IL13RA1: variants seen among roughly 807,000 people sequenced by gnomAD.
IL13RA1 encodes the protein interleukin 13 receptor subunit alpha 1, also known as interleukin-13 receptor subunit alpha-1.
A neutral mutation model predicts 33.8 loss-of-function variants in IL13RA1; 14 were observed. The ratio of observed to expected loss-of-function variants is 0.41; its 90% CI spans 0.27 to 0.65. The LOEUF (loss-of-function observed/expected upper bound fraction) is 0.65, where lower values mean the gene tolerates loss of function less well. Among genes scored for constraint, IL13RA1 ranks in the 30% least tolerant of loss-of-function variants. The probability of loss-of-function intolerance (pLI) is 0.28; values close to 1 mark genes in which losing one functional copy is unlikely to be tolerated. For missense variants in IL13RA1, 313 were observed against 327.0 expected, an observed-to-expected ratio of 0.96 and a Z score of 0.33; for synonymous variants, 116 against 115.7, an observed-to-expected ratio of 1.00 and a Z score of -0.02.
In IL13RA1 at chrX:118,763,007, A is replaced by C. The variant is rs369012852; in HGVS notation, c.828+1718A>C. ...ACATGGACACATGGAGGTGAACAAC[A>C]CATACTGGGGCCTGTGGGGGCTGTG... On this transcript the variant is annotated intron_variant, in intron 6 of 10. Coordinates refer to ENST00000371666, the MANE Select transcript of IL13RA1 (RefSeq NM_001560.3). Among the ~76,000 whole-genome samples, 27 of 111,579 alleles carry C rather than the reference A, an allele frequency of 2.4e-4. No homozygotes were observed. The East Asian group carries it at 3.1e-3, about 13-fold the overall frequency.
intron 1 of IL13RA1, among the ~76,000 whole-genome samples, chrX:118,739,993 T>C: frequency 8.9e-6 from 1 of 112,194 alleles, no homozygotes; most frequent in East Asian, 2.8e-4. Flanking sequence ...CAGGCTAGAG[T>C]GCAGTGGCAT....
At chrX:118,747,136 C>G in intron 3 of IL13RA1, 44 bp downstream of exon 3, 1 of 836,198 alleles carries the variant, frequency 1.2e-6, no homozygotes, top group Non-Finnish European at 1.8e-6. Flanking sequence ...GAGAATAAAT[C>G]TGAATGCTCC....
intron 9 of IL13RA1, among the ~76,000 whole-genome samples, chrX:118,774,663 T>C (rs2017763444): frequency 8.9e-6 from 1 of 112,385 alleles, no homozygotes; most frequent in South Asian, 3.6e-4. Context: ...TGTCTGGTAT[T>C]AATGCAAAGT....
chrX:118,747,357 GCACACACACACTCACA>G (rs908015289), intron 3 of IL13RA1, among the ~76,000 whole-genome samples: 4 of 108,402 alleles, frequency 3.7e-5, no homozygotes, highest in Non-Finnish European at 7.7e-5. Flanking sequence ...GCACGCGCGC[GCACACACACACTCACA>G]CACACACACA....
intron 10 of IL13RA1, among the ~76,000 whole-genome samples, chrX:118,790,101 A>T (rs1287523822): frequency 8.9e-6 from 1 of 112,106 alleles, no homozygotes; most frequent in Non-Finnish European, 1.9e-5. Flanking sequence ...AAAAATATAG[A>T]ATATTTCCAT....
intron 4 of IL13RA1, among the ~76,000 whole-genome samples, chrX:118,755,606 A>C (rs1227422250): frequency 8.9e-6 from 1 of 112,016 alleles, no homozygotes; most frequent in African/African-American, 3.2e-5. Context: ...TCTAAATTAC[A>C]ACAAAATTGT....
chrX:118,743,293 A>G (rs1182743738), intron 2 of IL13RA1, among the ~76,000 whole-genome samples: 1 of 112,112 alleles, frequency 8.9e-6, no homozygotes, highest in Non-Finnish European at 1.9e-5. Flanking sequence ...GCATTATGAT[A>G]GTTTGTACAT....
chrX:118,802,957 T>C, the IL13RA1 span, among the ~76,000 whole-genome samples: 5 of 111,976 alleles, frequency 4.5e-5, no homozygotes, highest in Non-Finnish European at 9.4e-5. Context: ...TACTACTTTC[T>C]TTTAGCATCC....
chrX:118,732,376 C>A (rs1386602126), intron 1 of IL13RA1, among the ~76,000 whole-genome samples: 1 of 105,466 alleles, frequency 9.5e-6, no homozygotes, highest in African/African-American at 3.4e-5. Context: ...TATCATATGT[C>A]AGAATTTTTC....
Position 118,791,786 on chromosome X carries a change from G to A in IL13RA1, c.1216G>A (p.Glu406Lys). 9.5e-7 allele frequency: 1 copy of A among 1,057,705 alleles called. No individual in the cohort carries two copies. Among genetic ancestry groups the A allele is most frequent in the Non-Finnish European group, 1.3e-6 (1 of 758,413 alleles). The allele number at this position is 1,057,705 out of a possible 1,213,427, so 87.2% of individuals were successfully genotyped here. The change falls in exon 11 of 11, where the codon GAG (glutamate) becomes AAG (lysine). Residue 406 changes from glutamate to lysine, a missense_variant. Transcript: ENST00000371666. ...GCACTGGAAGAAGTACGACATCTAT[G>A]AGAAGCAAACCAAGGAGGAAACCGA... ...TLHWKKYDIY[E>K]KQTKEETDSV...
At chrX:118,768,229 C>T (rs1306398980) in intron 8 of IL13RA1, among the ~76,000 whole-genome samples, 1 of 112,053 alleles carries the variant, frequency 8.9e-6, no homozygotes, top group East Asian at 2.8e-4. Context: ...AAGTTATGTG[C>T]CAGGCATGGT....
chrX:118,784,090 A>ATATATAT (rs1200223891), intron 10 of IL13RA1, among the ~76,000 whole-genome samples: 1 of 63,957 alleles, frequency 1.6e-5, no homozygotes, highest in Non-Finnish European at 2.5e-5. Flanking sequence ...AAAAAAAAAA[A>ATATATAT]ATATATATAT....
At chrX:118,803,854 T>TTTCCTTCC in the IL13RA1 span, among the ~76,000 whole-genome samples, 483 of 69,357 alleles carry the variant, frequency 7.0e-3, 5 homozygotes, top group Non-Finnish European at 0.01. Flanking sequence ...TGTTTTCTCT[T>TTTCCTTCC]TTCCTTCCTT....
At position 118,794,458 on chromosome X, in the gene IL13RA1, T is replaced by G. The variant is rs1378090222; in HGVS notation, c.*2604T>G. On this transcript the variant is annotated 3_prime_UTR_variant, in exon 11 of 11. Transcript: ENST00000371666. ...AACAATGTTAACATTTTTGGTAGTC[T>G]TCAACCAGGGATTGTTTCTGTTTAA... 1.8e-5 allele frequency: 2 copies of G among 112,803 alleles called. No homozygotes were observed. Among genetic ancestry groups the G allele is most frequent in the Non-Finnish European group, 3.8e-5 (2 of 53,329 alleles). The allele number at this position is 112,803 out of a possible 1,213,427, so 9.3% of individuals were successfully genotyped here.
At chrX:118,797,894 C>T (rs1047214281), downstream of IL13RA1, among the ~76,000 whole-genome samples, 1 of 111,842 alleles carries the variant, frequency 8.9e-6, no homozygotes, top group African/African-American at 3.3e-5. Flanking sequence ...CATATAGGAG[C>T]ACAAGCTGGC....
At chrX:118,742,593 A>G (rs751287296) in intron 2 of IL13RA1, among the ~76,000 whole-genome samples, 2 of 112,231 alleles carry the variant, frequency 1.8e-5, no homozygotes, top group Non-Finnish European at 3.8e-5. Context: ...GAGTATGTGC[A>G]GAAATCTAGA....
At chrX:118,782,821 C>G (rs2017860981) in intron 10 of IL13RA1, among the ~76,000 whole-genome samples, 1 of 107,455 alleles carries the variant, frequency 9.3e-6, no homozygotes. Context: ...AGGCTAGTCT[C>G]AAACTCCTGG....
intron 8 of IL13RA1, among the ~76,000 whole-genome samples, chrX:118,771,943 A>G (rs1017959377): frequency 2.7e-5 from 3 of 112,007 alleles, no homozygotes; most frequent in African/African-American, 9.7e-5. Flanking sequence ...ACTGCACTCC[A>G]GCCTGGGTGA....
At chrX:118,795,731 T>C (rs2018026997), downstream of IL13RA1, among the ~76,000 whole-genome samples, 1 of 112,196 alleles carries the variant, frequency 8.9e-6, no homozygotes, top group African/African-American at 3.2e-5. Flanking sequence ...TAAGCACATT[T>C]GATTTCCAGA....
Sources: allele counts gnomAD v4.1 joint callset (sites outside exome capture counted in the v4.1 genomes callset), GRCh38; gene constraint gnomAD v4.1.1; transcripts MANE v1.5; gene names NCBI Gene and HGNC (gene_info 2026-07-23, HGNC 2026-07-21).